Variants in LCORL observed in about 807,000 individuals in gnomAD.
The protein encoded by LCORL is ligand dependent nuclear receptor corepressor like.
Under a neutral mutation model 141.8 loss-of-function variants are expected in LCORL, and 41 were observed. That is an observed-to-expected ratio of 0.29 (90% CI 0.23 to 0.38). The LOEUF (loss-of-function observed/expected upper bound fraction) is 0.38, where lower values mean the gene tolerates loss of function less well. LCORL is among the 10% of genes least tolerant of loss of function. LCORL has a pLI of 1.00. For missense variants in LCORL, 1,759 were observed against 2,035.0 expected (o/e 0.86, Z 2.61); for synonymous variants, 618 against 694.1 (o/e 0.89, Z 1.72).
At chr4:17,924,175 T>C (rs13108684) in intron 4 of LCORL, among the ~76,000 whole-genome samples, 103,736 of 151,914 alleles carry the variant, frequency 0.68, 35,899 homozygotes, top group South Asian at 0.8. Context: ...TGCTCAAAAA[T>C]TGTGAAAATA....
rs111552498 is a variant in LCORL at position 17,953,808 on chromosome 4, G to A, written c.430+8095C>T. 7.7e-3 allele frequency among the ~76,000 whole-genome samples: 1,176 copies of A among 152,292 alleles called. 10 individuals carry two copies. Among genetic ancestry groups the A allele is most frequent in the African/African-American group, 0.027 (1,112 of 41,552 alleles). ...AAAACACAAAATCCCTGCCTAATTT[G>A]TTCTTATATTCCAGAAGTGGCAGAT... On this transcript the variant is annotated intron_variant, in intron 4 of 7. Transcript: ENST00000635767.
intron 7 of LCORL, among the ~76,000 whole-genome samples, chr4:17,868,801 T>G (rs1725985646): frequency 6.6e-6 from 1 of 152,160 alleles, no homozygotes; most frequent in Admixed American, 6.6e-5. Flanking sequence ...GTGGTGAACT[T>G]GACTATTACT....
chr4:17,927,905 C>T (rs961614350), intron 4 of LCORL, among the ~76,000 whole-genome samples: 10 of 152,116 alleles, frequency 6.6e-5, no homozygotes, highest in East Asian at 1.9e-4. Context: ...GTTCAATGTA[C>T]GGCTGCTACG....
At chr4:17,960,505 T>C (rs1452382302) in intron 4 of LCORL, among the ~76,000 whole-genome samples, 1 of 152,196 alleles carries the variant, frequency 6.6e-6, no homozygotes, top group Non-Finnish European at 1.5e-5. Context: ...TGTGTGTAAA[T>C]GTGTATATTT....
At chr4:18,007,202 A>G (rs1043500118) in intron 1 of LCORL, among the ~76,000 whole-genome samples, 4 of 152,194 alleles carry the variant, frequency 2.6e-5, no homozygotes, top group African/African-American at 7.2e-5. Flanking sequence ...CTCCACCTCT[A>G]GTGTAAGTGA....
At chr4:17,991,589 T>G (rs771998589) in intron 1 of LCORL, among the ~76,000 whole-genome samples, 27 of 152,212 alleles carry the variant, frequency 1.8e-4, no homozygotes, top group Non-Finnish European at 2.8e-4. Flanking sequence ...TCTAAACTTA[T>G]TCCATGATAG....
At chr4:17,864,597 G>A (rs1725419016) in intron 7 of LCORL, among the ~76,000 whole-genome samples, 1 of 152,136 alleles carries the variant, frequency 6.6e-6, no homozygotes, top group Admixed American at 6.5e-5. Flanking sequence ...AAAAAAGGGT[G>A]GAACAAATAG....
intron 5 of LCORL, among the ~76,000 whole-genome samples, chr4:17,898,795 C>A (rs1387768510): frequency 6.6e-6 from 1 of 151,940 alleles, no homozygotes; most frequent in Non-Finnish European, 1.5e-5. Flanking sequence ...ACCCTGAATG[C>A]ATATCATTCC....
chr4:17,945,508 A>G (rs1052338023), intron 4 of LCORL, among the ~76,000 whole-genome samples: 4 of 151,990 alleles, frequency 2.6e-5, no homozygotes, highest in African/African-American at 9.7e-5. Context: ...ACCCAGCAAT[A>G]TACCCCTCCT....
At chr4:17,953,349 T>G (rs1711855217) in intron 4 of LCORL, among the ~76,000 whole-genome samples, 1 of 152,190 alleles carries the variant, frequency 6.6e-6, no homozygotes, top group South Asian at 2.1e-4. Flanking sequence ...CTGAGCTAAC[T>G]TACACTCCCA....
In LCORL at chr4:17,897,684, C is replaced by T. The variant is rs149808446; in HGVS notation, c.682+11410G>A. On this transcript the variant is annotated intron_variant, in intron 5 of 7. Coordinates refer to ENST00000635767, the Ensembl canonical transcript of LCORL. ...AAACATTCAATATTTTTCATTCCAC[C>T]GAAATTGTTCTTCTACTGATGATCA... 2.4e-3 allele frequency among the ~76,000 whole-genome samples: 370 copies of T among 152,144 alleles called. 1 individual carries two copies. The highest frequency in any genetic ancestry group is 7.9e-3 in the African/African-American group (328 of 41,514).
chr4:17,976,343 T>A (rs1433924878), intron 1 of LCORL, among the ~76,000 whole-genome samples: 1 of 152,170 alleles, frequency 6.6e-6, no homozygotes, highest in East Asian at 1.9e-4. Context: ...CATTCTCCAC[T>A]CCACAACATT....
rs143562691 is a variant in LCORL at position 17,855,435 on chromosome 4, C to T, written c.5603-9534G>A. On this transcript the variant is annotated intron_variant, in intron 7 of 7. Coordinates refer to ENST00000635767, the Ensembl canonical transcript of LCORL. ...AAAACTGACATGGTTTATAACGTTC[C>T]GAAACCCTGTTTGCATCTATCTGCC... 5.7e-4 allele frequency among the ~76,000 whole-genome samples: 87 copies of T among 152,182 alleles called. 2 individuals carry two copies. The highest frequency in any genetic ancestry group is 4.6e-3 in the Admixed American group (71 of 15,276).
chr4:17,930,961 G>A (rs1021380045), intron 4 of LCORL, among the ~76,000 whole-genome samples: 1 of 152,062 alleles, frequency 6.6e-6, no homozygotes, highest in Non-Finnish European at 1.5e-5. Flanking sequence ...TTCTGAGCTT[G>A]GTGCTTTTAC....
chr4:17,912,490 G>A (rs144910862), intron 4 of LCORL: 403 of 514,340 alleles, frequency 7.8e-4, no homozygotes, highest in African/African-American at 6.7e-3. Context: ...GAACCGACAG[G>A]AACTAGACAG....
At chr4:17,843,224 A>AAAC in exon 8 of LCORL, 1 of 1,492,286 alleles carries the variant, frequency 6.7e-7, no homozygotes, top group East Asian at 2.3e-5. Flanking sequence ...TGTGAGTCAG[A>AAAC]AACAAAAAAG....
At chr4:17,907,657 T>A (rs1731853669) in intron 5 of LCORL, among the ~76,000 whole-genome samples, 1 of 152,132 alleles carries the variant, frequency 6.6e-6, no homozygotes, top group Non-Finnish European at 1.5e-5. Flanking sequence ...TTGTGAGGAT[T>A]TTTTTTACCC....
chr4:17,998,964 CAAAAAAAAAAA>C (rs775544332), intron 1 of LCORL, among the ~76,000 whole-genome samples: 3 of 44,824 alleles, frequency 6.7e-5, no homozygotes, highest in East Asian at 6.3e-4. Context: ...GACCCTGTCT[CAAAAAAAAAAA>C]AAAAAAAAAA....
At chr4:17,902,669 G>C (rs1731057630) in intron 5 of LCORL, among the ~76,000 whole-genome samples, 1 of 152,050 alleles carries the variant, frequency 6.6e-6, no homozygotes, top group Non-Finnish European at 1.5e-5. Flanking sequence ...GCACAACAGT[G>C]GTGGTGGCAG....
Sources: gnomAD v4.1 joint callset for allele counts (sites outside exome capture counted in the v4.1 genomes callset) on GRCh38, gnomAD v4.1.1 for gene constraint, MANE v1.5 for transcripts, NCBI Gene and HGNC (gene_info 2026-07-23, HGNC 2026-07-21) for gene names.